Variants in FAAH2 observed in about 807,000 individuals in gnomAD.
The protein encoded by FAAH2 is fatty acid amide hydrolase 2.
FAAH2 carries 60 observed loss-of-function variants against 36.9 expected under a neutral mutation model. That is an observed-to-expected ratio of 1.63 (90% confidence interval 1.32 to 2.02). The LOEUF (loss-of-function observed/expected upper bound fraction) is 2.02. Ranked by LOEUF, FAAH2 falls within the 30% of genes most tolerant of loss-of-function variation. The probability of loss-of-function intolerance (pLI) is 0.00; values close to 1 mark genes in which losing one functional copy is unlikely to be tolerated. For missense variants in FAAH2, 689 were observed against 397.5 expected (o/e 1.73, Z -6.23); for synonymous variants, 214 against 143.8 (o/e 1.49, Z -3.49).
chrX:57,354,481 C>A (rs5914084), intron 5 of FAAH2, among the ~76,000 whole-genome samples: 58,753 of 108,743 alleles, frequency 0.54, 14,282 homozygotes, highest in Non-Finnish European at 0.75. Context: ...GGGTACAATG[C>A]ACATTATTCA....
At chrX:57,220,790 C>G in the FAAH2 span, among the ~76,000 whole-genome samples, 2 of 111,832 alleles carry the variant, frequency 1.8e-5, no homozygotes, top group African/African-American at 6.5e-5. Context: ...CCATGCCCCT[C>G]TCTGCGGAGA....
chrX:57,480,774 AT>A (rs921205287), intron 10 of FAAH2, among the ~76,000 whole-genome samples: 5 of 110,728 alleles, frequency 4.5e-5, no homozygotes, highest in African/African-American at 1.6e-4. Context: ...CTGAATTTGA[AT>A]GTTGGCCTGT....
At chrX:57,461,836 T>A (rs1034765663) in intron 10 of FAAH2, among the ~76,000 whole-genome samples, 5 of 109,313 alleles carry the variant, frequency 4.6e-5, no homozygotes, top group East Asian at 2.9e-4. Context: ...AAAAAAACTT[T>A]AAAAAAAATC....
chrX:57,440,031 A>T (rs2056513619), intron 8 of FAAH2, among the ~76,000 whole-genome samples: 1 of 111,681 alleles, frequency 9.0e-6, no homozygotes, highest in Non-Finnish European at 1.9e-5. Context: ...GAAGTCAGGC[A>T]GCGTGATGCC....
chrX:57,162,845 C>T, the FAAH2 span, among the ~76,000 whole-genome samples: 3 of 112,820 alleles, frequency 2.7e-5, no homozygotes, highest in Non-Finnish European at 5.6e-5. Context: ...TTGTCTGAAG[C>T]CTTCTTCTCT....
chrX:57,140,764 C>T, the FAAH2 span, among the ~76,000 whole-genome samples: 1 of 111,012 alleles, frequency 9.0e-6, no homozygotes, highest in African/African-American at 3.3e-5. Flanking sequence ...CACTTATAAA[C>T]GGGAGGCAAA....
At chrX:57,460,994 T>A in intron 10 of FAAH2, among the ~76,000 whole-genome samples, 1 of 108,726 alleles carries the variant, frequency 9.2e-6, no homozygotes, top group African/African-American at 3.4e-5. Flanking sequence ...AAAACAGGGG[T>A]TTCAATCCTA....
At chrX:57,400,057 T>C (rs751870014) in intron 7 of FAAH2, among the ~76,000 whole-genome samples, 1 of 112,495 alleles carries the variant, frequency 8.9e-6, no homozygotes, top group South Asian at 3.7e-4. Context: ...CAATTACTTG[T>C]TGACAGTTAT....
intron 5 of FAAH2, among the ~76,000 whole-genome samples, chrX:57,354,828 A>G (rs1182509275): frequency 9.0e-6 from 1 of 110,721 alleles, no homozygotes; most frequent in Non-Finnish European, 1.9e-5. Context: ...ATTTTCCATA[A>G]TATATGTATG....
chrX:57,384,269 A>G (rs375515532), intron 7 of FAAH2, among the ~76,000 whole-genome samples: 1 of 105,130 alleles, frequency 9.5e-6, no homozygotes, highest in South Asian at 4.5e-4. Flanking sequence ...CATGGGCAAG[A>G]ACTTCATGTC....
chrX:57,472,905 C>A (rs2147254036), intron 10 of FAAH2, among the ~76,000 whole-genome samples: 1 of 110,931 alleles, frequency 9.0e-6, no homozygotes, highest in African/African-American at 3.3e-5. Flanking sequence ...TTATTTGAAT[C>A]TTCTCTGCTT....
the FAAH2 span, among the ~76,000 whole-genome samples, chrX:57,138,813 G>A: frequency 8.9e-6 from 1 of 111,823 alleles, no homozygotes; most frequent in Non-Finnish European, 1.9e-5. Flanking sequence ...CTGATGATTA[G>A]CGATTTAGAA....
the FAAH2 span, among the ~76,000 whole-genome samples, chrX:57,198,463 A>G: frequency 2.7e-5 from 3 of 112,094 alleles, no homozygotes; most frequent in African/African-American, 9.7e-5. Flanking sequence ...GCAGCCAGTG[A>G]GCAGAACTGA....
the FAAH2 span, among the ~76,000 whole-genome samples, chrX:57,235,530 ATTTCT>A: frequency 4.5e-5 from 5 of 112,005 alleles, no homozygotes; most frequent in African/African-American, 1.6e-4. Flanking sequence ...CACTTCAAAA[ATTTCT>A]TTTCACACAT....
the FAAH2 span, among the ~76,000 whole-genome samples, chrX:57,201,227 C>T: frequency 2.7e-4 from 30 of 109,965 alleles, no homozygotes; most frequent in Admixed American, 2.8e-3. Flanking sequence ...TCATGACCAG[C>T]CTGGCCAAGA....
chrX:57,245,731 T>G, the FAAH2 span, among the ~76,000 whole-genome samples: 2 of 112,266 alleles, frequency 1.8e-5, no homozygotes, highest in Admixed American at 1.9e-4. Context: ...ACAGCCATGT[T>G]TAGAGGGAAA....
chrX:57,426,335 A>T (rs1221871321), intron 7 of FAAH2, among the ~76,000 whole-genome samples: 3 of 112,070 alleles, frequency 2.7e-5, no homozygotes, highest in Non-Finnish European at 5.7e-5. Flanking sequence ...CTCCAGTGAC[A>T]GCACTACACA....
chrX:57,362,730 A>T (rs2054315982), intron 5 of FAAH2, among the ~76,000 whole-genome samples: 1 of 112,138 alleles, frequency 8.9e-6, no homozygotes, highest in Admixed American at 9.5e-5. Flanking sequence ...TTATAAGTTT[A>T]GTCTTACATA....
intron 2 of FAAH2, among the ~76,000 whole-genome samples, chrX:57,302,750 A>T (rs748194019): frequency 9.0e-6 from 1 of 111,047 alleles, no homozygotes; most frequent in African/African-American, 3.3e-5. Flanking sequence ...TTTTTTTAAA[A>T]ACCCTCTCAG....
Sources: allele counts gnomAD v4.1 joint callset (sites outside exome capture counted in the v4.1 genomes callset), GRCh38; gene constraint gnomAD v4.1.1; transcripts MANE v1.5; gene names NCBI Gene and HGNC (gene_info 2026-07-23, HGNC 2026-07-21).